The following OBSL1 variants were observed in gnomAD, a reference collection of about 807,000 sequenced individuals.
OBSL1 encodes obscurin-like protein 1.
In OBSL1, 160 loss-of-function variants were observed where a neutral mutation model predicts 172.0. The ratio of observed to expected loss-of-function variants is 0.93; its 90% CI spans 0.82 to 1.06. The LOEUF (loss-of-function observed/expected upper bound fraction) is 1.06. Ranked by LOEUF, OBSL1 falls within the 50% of genes least tolerant of loss-of-function variation. OBSL1 has a pLI of 0.00. For synonymous variants in OBSL1, 1,200 were observed against 1,196.3 expected (o/e 1.00, Z -0.06); for missense variants, 2,681 against 2,715.4 (o/e 0.99, Z 0.28).
rs576279922 is a variant in OBSL1 at position 219,552,800 on chromosome 2, C to T, written c.5146+68G>A. ...AGAAGCACGCGCGGTCATCAGGGTCCGGGGAAGACAGCTCCGCAAGTCTCG... is the reference window on the plus strand; with the variant it reads ...AGAAGCACGCGCGGTCATCAGGGTCTGGGGAAGACAGCTCCGCAAGTCTCG... On this transcript the variant is annotated intron_variant, in intron 17 of 20. Coordinates refer to ENST00000404537, the MANE Select transcript of OBSL1 (RefSeq NM_015311.3). 2.6e-6 allele frequency: 4 copies of T among 1,525,848 alleles called. No homozygotes were observed. In the African/African-American group the frequency reaches 4.2e-5, roughly 16 times the overall value. 94.5% of individuals were successfully genotyped at this position (1,525,848 alleles called of 1,614,324 possible).
At chr2:219,550,999 G>T (rs1695574570) in intron 20 of OBSL1, 157 bp from the exon 21 acceptor site, 1 of 1,493,722 alleles carries the variant, frequency 6.7e-7, no homozygotes, top group African/African-American at 1.4e-5. Context: ...GCGGCAGGAA[G>T]GTGGGGGTCA....
intron 8 of OBSL1, among the ~76,000 whole-genome samples, chr2:219,560,853 G>A (rs151218611): frequency 7.9e-4 from 120 of 152,360 alleles, no homozygotes; most frequent in Middle Eastern, 3.4e-3. Context: ...GGGCAGTGGG[G>A]TGAGGACAGG....
downstream of OBSL1, among the ~76,000 whole-genome samples, chr2:219,548,423 T>C (rs1185962670): frequency 3.3e-5 from 5 of 152,096 alleles, no homozygotes; most frequent in African/African-American, 1.2e-4. Flanking sequence ...GACAGAGACA[T>C]TGTGCAGGAT....
In OBSL1 at chr2:219,558,373, C is replaced by T. The variant is rs746812963; in HGVS notation, c.3313G>A (p.Val1105Met). The T allele has an allele frequency of 1.2e-6, 2 of 1,611,226 alleles. No individual in the cohort carries two copies. The highest frequency in any genetic ancestry group is 2.2e-5 in the South Asian group (2 of 90,594). Residue 1105 changes from valine to methionine, a missense_variant, in exon 10 of 21, where the codon GTG (valine) becomes ATG (methionine). Physicochemically the swap from Val to Met is conservative, Grantham distance 21 (BLOSUM62 1). Around this residue, in one of 5 missense-constraint regions of OBSL1, gnomAD observed 1,765 missense variants for 1,748.3 expected, o/e 1.01. Coordinates refer to ENST00000404537, the MANE Select transcript of OBSL1 (RefSeq NM_015311.3). ...APGRVELRCE[V>M]APAGSQVRWY... is the part of the protein sequence containing the mutation. The stretch of plus-strand genomic sequence containing the variant: ...CGCACCTGAGACCCAGCTGGGGCCA[C>T]CTCACAGCGCAGCTCCACGCGCCCT...
intron 8 of OBSL1, 54 bp downstream of exon 8, chr2:219,562,348 C>T: frequency 6.3e-7 from 1 of 1,586,728 alleles, no homozygotes; most frequent in South Asian, 1.2e-5. Flanking sequence ...TGGCCAGCTC[C>T]TCCAGGGCTC....
Position 219,554,638 on chromosome 2 carries a change from T to A in OBSL1, c.4712A>T (p.Glu1571Val), listed in dbSNP as rs758434311. The A allele has an allele frequency of 1.1e-5, 18 of 1,610,574 alleles. No homozygotes were observed. In the South Asian group the frequency reaches 2.0e-4, roughly 18 times the overall value. ...CAGCTGTACTCCACCCCGGGCCCAC[T>A]CCCCGGTCACACCTTCCTGGGACAG... ...LELSQEGVTG[E>V]WARGGVQLYP... The change falls in exon 15 of 21, where the codon GAG becomes GTG. Residue 1571 changes from glutamate (E) to valine (V), a missense_variant. Around this residue, in one of 5 missense-constraint regions of OBSL1, gnomAD observed 1,765 missense variants for 1,748.3 expected, o/e 1.01. Transcript: ENST00000404537.
intron 5 of OBSL1, 39 bp from the exon 6 acceptor site, chr2:219,565,553 G>A (rs767342615): frequency 1.1e-5 from 18 of 1,586,396 alleles, no homozygotes; most frequent in Admixed American, 5.0e-5. Context: ...CCCTCCCTCC[G>A]GTGCATGGGC....
rs1695757957 is a variant in OBSL1, at chr2:219,553,152, C to T, written c.4990-128G>A. The T allele has an allele frequency of 5.5e-6, 7 of 1,275,742 alleles. No homozygotes were observed. In the South Asian group the frequency reaches 8.2e-5, roughly 15 times the overall value. The allele number at this position is 1,275,742 out of a possible 1,614,324, so 79.0% of individuals were successfully genotyped here. A position where few individuals can be genotyped will look rare whatever the true frequency, so the allele number is the denominator to read the frequency against. Reference sequence around the variant, plus strand: ...GGCGCGTTTATGCGTGTCTCGTGTTCCCAGGCTGGGGTCGGACTGTCCCCA... The same window carrying T: ...GGCGCGTTTATGCGTGTCTCGTGTTTCCAGGCTGGGGTCGGACTGTCCCCA... On this transcript the variant is annotated intron_variant, in intron 16 of 20. Transcript: ENST00000404537.
At chr2:219,565,023 C>T (rs1208011689) in intron 6 of OBSL1, among the ~76,000 whole-genome samples, 1 of 152,064 alleles carries the variant, frequency 6.6e-6, no homozygotes, top group African/African-American at 2.4e-5. Flanking sequence ...GCTGAGATCA[C>T]GCCACTGCCC....
At position 219,558,449 on chromosome 2, in the gene OBSL1, C is replaced by G. The variant is rs769701736; in HGVS notation, c.3237G>C (p.Glu1079Asp). The G allele has an allele frequency of 6.3e-7, 1 of 1,581,562 alleles. No individual in the cohort carries two copies. The highest frequency in any genetic ancestry group is 1.1e-5 in the South Asian group (1 of 86,990). Reference sequence around the variant, plus strand: ...AGCGGGCTGCCGGGTGCACAATCCTCTCTGGTGGGGCTGGTGGGTGGGCAT... The same window carrying G: ...AGCGGGCTGCCGGGTGCACAATCCTGTCTGGTGGGGCTGGTGGGTGGGCAT... Reference protein sequence around the residue: ...FFTVTVTAPPERIVHPAARSL... With the variant: ...FFTVTVTAPPDRIVHPAARSL... The change falls in exon 10 of 21, where the codon GAG becomes GAC. Residue 1079 changes from glutamate (E) to aspartate (D), a missense_variant. Coordinates refer to ENST00000404537, the MANE Select transcript of OBSL1 (RefSeq NM_015311.3).
chr2:219,547,690 C>T, downstream of OBSL1: 3 of 1,564,396 alleles, frequency 1.9e-6, no homozygotes, highest in Non-Finnish European at 1.7e-6. Context: ...GCAGCGTGGG[C>T]CTCTTCCTGG....
chr2:219,558,508 C>T (rs753147627), intron 9 of OBSL1, 49 bp from the exon 10 acceptor site: 13 of 1,493,542 alleles, frequency 8.7e-6, no homozygotes, highest in East Asian at 2.5e-5. Context: ...CAGCAGGCCT[C>T]TCCTGCCTCA....
In OBSL1 at chr2:219,553,642, T is replaced by C. The variant is rs866863146; in HGVS notation, c.4921A>G (p.Thr1641Ala). The change falls in exon 16 of 21, where the codon ACC becomes GCC. Residue 1641 changes from threonine to alanine, a missense_variant. Coordinates refer to ENST00000404537, the MANE Select transcript of OBSL1 (RefSeq NM_015311.3). ...TCGAACGTAGCTGTGTCGCCCTCGGTCACCTCTAGGTCGTGTGGCCCCCGC... is the reference window on the plus strand; with the variant it reads ...TCGAACGTAGCTGTGTCGCCCTCGGCCACCTCTAGGTCGTGTGGCCCCCGC... Reference protein sequence around the residue: ...IVRGPHDLEVTEGDTATFECE... With the variant: ...IVRGPHDLEVAEGDTATFECE... The C allele has an allele frequency of 6.2e-7, 1 of 1,613,828 alleles. No individual in the cohort carries two copies. Among genetic ancestry groups the C allele is most frequent in the Middle Eastern group, 1.6e-4 (1 of 6,062 alleles).
intron 7 of OBSL1, 172 bp downstream of exon 7, chr2:219,563,183 T>C: frequency 1.5e-6 from 1 of 655,288 alleles, no homozygotes; most frequent in South Asian, 2.4e-5. Flanking sequence ...TGATAACACG[T>C]TTCCTGAATG....
Position 219,557,913 on chromosome 2 carries a change from C to T in OBSL1, c.3700G>A (p.Ala1234Thr), listed in dbSNP as rs533010242. ...AGCCCTGCATGGGCTGGGCCTGCAGCCTGGATGCAGAGGACTCGGCGGGGG... is the reference window on the plus strand; with the variant it reads ...AGCCCTGCATGGGCTGGGCCTGCAGTCTGGATGCAGAGGACTCGGCGGGGG... Reference protein sequence around the residue: ...EGPRRVLCIQAAGPAHAGLYT... With the variant: ...EGPRRVLCIQTAGPAHAGLYT... The change falls in exon 11 of 21, where the codon GCT (alanine) becomes ACT (threonine). Residue 1234 changes from alanine (A) to threonine (T), a missense_variant. This residue lies in a region of OBSL1 where 1,765 missense variants were observed against 1,748.3 expected (regional missense o/e 1.01). Transcript: ENST00000404537. 51 of 1,604,564 alleles carry T rather than the reference C, an allele frequency of 3.2e-5. No homozygotes were observed. In the African/African-American group the frequency reaches 6.0e-4, roughly 19 times the overall value.
In OBSL1 at chr2:219,556,208, C is replaced by T. The variant is rs763410062; in HGVS notation, c.4421G>A (p.Arg1474Gln). 14 of 1,610,836 alleles carry T rather than the reference C, an allele frequency of 8.7e-6. No individual in the cohort carries two copies. Among genetic ancestry groups the T allele is most frequent in the East Asian group, 2.2e-5 (1 of 44,800 alleles). The change falls in exon 14 of 21, where the codon CGA (arginine) becomes CAA (glutamine). Residue 1474 changes from arginine (R) to glutamine (Q), a missense_variant. Transcript: ENST00000404537. ...GCGCACGGCCCCCGCTGCACCCACT[C>T]GGCCTGTCTCCACTTCGAGACACAC... The part of the protein sequence containing the change: ...QDVCLEVETG[R>Q]VGAAGAVRWV...
chr2:219,571,308 G>T lies in OBSL1; in HGVS notation c.-76C>A. The T allele has an allele frequency of 1.0e-6, 1 of 964,346 alleles. No homozygotes were observed. Among genetic ancestry groups the T allele is most frequent in the Non-Finnish European group, 1.3e-6 (1 of 745,798 alleles). 59.7% of individuals were successfully genotyped at this position (964,346 alleles called of 1,614,324 possible). On this transcript the variant is annotated 5_prime_UTR_variant, in exon 1 of 21. Transcript: ENST00000404537. The stretch of plus-strand genomic sequence containing the variant: ...TGCGGAGGGCGAGCCGAGGCCCGGG[G>T]CGGCGGGGTCGGGGCGCGGCTGGGG...
Position 219,553,021 on chromosome 2 carries a change from C to T in OBSL1, c.4993G>A (p.Gly1665Arg). Residue 1665 changes from glycine to arginine, a missense_variant, in exon 17 of 21, where the codon GGG becomes AGG. Coordinates refer to ENST00000404537, the MANE Select transcript of OBSL1 (RefSeq NM_015311.3). ...ALADVTWEKD[G>R]NALTPSPRLR... Reference sequence around the variant, plus strand: ...CGCGGGCTAGGCGTAAGCGCGTTCCCGTCCTAGGGGCGGGAGTTGCAGAGG... The same window carrying T: ...CGCGGGCTAGGCGTAAGCGCGTTCCTGTCCTAGGGGCGGGAGTTGCAGAGG... 6.6e-7 allele frequency: 1 copy of T among 1,508,948 alleles called. No homozygotes were observed. The highest frequency in any genetic ancestry group is 8.8e-7 in the Non-Finnish European group (1 of 1,135,064). The allele number at this position is 1,508,948 out of a possible 1,614,324, so 93.5% of individuals were successfully genotyped here. A position where few individuals can be genotyped will look rare whatever the true frequency, so the allele number is the denominator to read the frequency against.
In OBSL1 at chr2:219,570,287, G is replaced by C. The variant is rs904597869; in HGVS notation, c.946C>G (p.Leu316Val). 2.5e-6 allele frequency: 4 copies of C among 1,608,358 alleles called. No homozygotes were observed. The highest frequency in any genetic ancestry group is 3.4e-6 in the Non-Finnish European group (4 of 1,176,258). Residue 316 changes from leucine (L) to valine (V), a missense_variant, in exon 1 of 21, where the codon CTC (leucine) becomes GTC (valine). Leu to Val is a conservative substitution (Grantham distance 32, BLOSUM62 1). Coordinates refer to ENST00000404537, the MANE Select transcript of OBSL1 (RefSeq NM_015311.3). Reference sequence around the variant, plus strand: ...GAGTTGCGCGCGGCGCAGACGTAGAGCCCACGATCCTTGGCCTGGCAGTAA... The same window carrying C: ...GAGTTGCGCGCGGCGCAGACGTAGACCCCACGATCCTTGGCCTGGCAGTAA... Reference protein sequence around the residue: ...VLYCQAKDRGLYVCAARNSAG... With the variant: ...VLYCQAKDRGVYVCAARNSAG...
Sources: gnomAD v4.1 joint callset for allele counts (sites outside exome capture counted in the v4.1 genomes callset) on GRCh38, gnomAD v4.1.1 for gene constraint, gnomAD v4.1.1 regional missense constraint, MANE v1.5 for transcripts, NCBI Gene and HGNC (gene_info 2026-07-23, HGNC 2026-07-21) for gene names.